The following SETD2 variants were observed in gnomAD, a reference collection of about 807,000 sequenced individuals.
The protein encoded by SETD2 is SET domain containing 2, histone lysine methyltransferase.
Under a neutral mutation model 242.1 loss-of-function variants are expected in SETD2, and 31 were observed. The observed-to-expected ratio is 0.13, with a 90% confidence interval of 0.10 to 0.17. The LOEUF (loss-of-function observed/expected upper bound fraction) is 0.17, where lower values mean the gene tolerates loss of function less well. Ranked by LOEUF, SETD2 falls within the 10% of genes least tolerant of loss-of-function variation. The pLI, the probability that SETD2 is intolerant of heterozygous loss-of-function variation, is 1.00. For synonymous variants in SETD2, 1,006 were observed against 1,066.5 expected (o/e 0.94, Z 1.11); for missense variants, 2,481 against 3,046.3 (o/e 0.81, Z 4.37).
intron 17 of SETD2, among the ~76,000 whole-genome samples, chr3:47,040,075 C>T (rs1179986503): frequency 3.3e-5 from 5 of 151,166 alleles, no homozygotes. Context: ...CTCCAGGGTT[C>T]AAGTAATTCT....
chr3:47,144,076 T>G (rs376218976), intron 1 of SETD2, among the ~76,000 whole-genome samples: 7 of 152,186 alleles, frequency 4.6e-5, no homozygotes, highest in Admixed American at 1.3e-4. Context: ...TCTAGCCACT[T>G]AATCAGAGAC....
In SETD2 at chr3:47,121,651, G is replaced by C. The variant is rs1435057121; in HGVS notation, c.2985C>G (p.Asp995Glu). The change falls in exon 3 of 21, where the codon GAC becomes GAG. Residue 995 changes from aspartate (D) to glutamate (E), a missense_variant. Asp to Glu is a conservative substitution (Grantham distance 45, BLOSUM62 2). Transcript: ENST00000409792. ...CACAAGAAGAAAATACAACTTCTGA[G>C]TCATCAGAAGTATGCACATGTCCTC... ...GEGGHVHTSD[D>E]SEVVFSSCDL... 2 of 1,613,260 alleles carry C rather than the reference G, an allele frequency of 1.2e-6. No individual in the cohort carries two copies. Among genetic ancestry groups the C allele is most frequent in the Admixed American group, 1.7e-5 (1 of 59,994 alleles).
At chr3:47,028,146 C>T (rs1299256803) in intron 18 of SETD2, among the ~76,000 whole-genome samples, 1 of 152,134 alleles carries the variant, frequency 6.6e-6, no homozygotes, top group East Asian at 1.9e-4. Context: ...ATGAAAAAGG[C>T]AGTTTGCACA....
At chr3:47,116,779 C>T (rs2107729278) in intron 3 of SETD2, 25 bp from the exon 4 acceptor site, 1 of 1,484,108 alleles carries the variant, frequency 6.7e-7, no homozygotes, top group Non-Finnish European at 9.3e-7. Flanking sequence ...TTCATAAAAA[C>T]TGATTAAATA....
At chr3:47,081,427 A>C (rs2041313743) in intron 12 of SETD2, among the ~76,000 whole-genome samples, 1 of 152,232 alleles carries the variant, frequency 6.6e-6, no homozygotes, top group Non-Finnish European at 1.5e-5. Flanking sequence ...CAACTAACAC[A>C]GTGTTTGACA....
At chr3:47,058,776 TG>T (rs2040196578) in intron 14 of SETD2, among the ~76,000 whole-genome samples, 1 of 151,594 alleles carries the variant, frequency 6.6e-6, no homozygotes. Flanking sequence ...TGGAAGGGAC[TG>T]ACTACAAAGG....
rs2106666919 is a variant in SETD2 at position 47,122,019 on chromosome 3, G to A, written c.2617C>T (p.Pro873Ser). The part of the protein sequence containing the change: ...SVNHFDDLYQ[P>S]IGSSGIASSL... ...GAAGCAATACCTGAACTCCCAATAG[G>A]TTGATATAAATCATCAAAATGATTA... Residue 873 changes from proline (P) to serine (S), a missense_variant, in exon 3 of 21, where the codon CCT becomes TCT. Pro to Ser is a moderately conservative substitution (Grantham distance 74, BLOSUM62 -1). This residue lies in a region of SETD2 where 1,300 missense variants were observed against 1,259.2 expected (regional missense o/e 1.03). Coordinates refer to ENST00000409792, the MANE Select transcript of SETD2 (RefSeq NM_014159.7). The A allele has an allele frequency of 1.9e-6, 3 of 1,613,814 alleles. No homozygotes were observed. The highest frequency in any genetic ancestry group is 2.5e-6 in the Non-Finnish European group (3 of 1,179,910).
chr3:47,114,638 G>A (rs1398508345), intron 4 of SETD2, among the ~76,000 whole-genome samples: 2 of 152,106 alleles, frequency 1.3e-5, no homozygotes, highest in African/African-American at 4.8e-5. Flanking sequence ...CAGCACTTTG[G>A]GAGGCCAAGG....
At chr3:47,041,269 G>C in intron 17 of SETD2, 1 of 337,450 alleles carries the variant, frequency 3.0e-6, no homozygotes. Flanking sequence ...GCATGGTTGT[G>C]CTCCAATAAA....
intron 15 of SETD2, among the ~76,000 whole-genome samples, chr3:47,055,375 G>C (rs879918450): frequency 3.9e-5 from 6 of 152,186 alleles, no homozygotes; most frequent in African/African-American, 1.4e-4. Flanking sequence ...GAAATGTGGT[G>C]ATGATAATGC....
At position 47,122,016 on chromosome 3, in the gene SETD2, T is replaced by A. The variant is rs1191265072; in HGVS notation, c.2620A>T (p.Ile874Phe). The A allele has an allele frequency of 6.2e-7, 1 of 1,613,836 alleles. No individual in the cohort carries two copies. Among genetic ancestry groups the A allele is most frequent in the Non-Finnish European group, 8.5e-7 (1 of 1,179,912 alleles). ...VNHFDDLYQP[I>F]GSSGIASSLQ... The stretch of plus-strand genomic sequence containing the variant: ...GATGAAGCAATACCTGAACTCCCAA[T>A]AGGTTGATATAAATCATCAAAATGA... The change falls in exon 3 of 21, where the codon ATT becomes TTT. Residue 874 changes from isoleucine (I) to phenylalanine (F), a missense_variant. Transcript: ENST00000409792.
At chr3:47,091,803 G>C (rs2041816559) in intron 9 of SETD2, among the ~76,000 whole-genome samples, 1 of 151,936 alleles carries the variant, frequency 6.6e-6, no homozygotes, top group Middle Eastern at 3.4e-3. Flanking sequence ...AAATTAGCCA[G>C]GTGTGGTGAT....
chr3:47,164,031 G>C lies in SETD2; in HGVS notation c.-107C>G. The C allele has an allele frequency of 1.6e-6, 2 of 1,227,870 alleles. No individual in the cohort carries two copies. Among genetic ancestry groups the C allele is most frequent in the Non-Finnish European group, 2.0e-6 (2 of 980,776 alleles). The allele number at this position is 1,227,870 out of a possible 1,614,324, so 76.1% of individuals were successfully genotyped here. A position where few individuals can be genotyped will look rare whatever the true frequency, so the allele number is the denominator to read the frequency against. ...TCCGACCGCGGCGGCGGCGGCGGCG[G>C]CGGCGGCGGCGGCAGGGGCGGCCCG... On this transcript the variant is annotated 5_prime_UTR_variant, in exon 1 of 21. Coordinates refer to ENST00000409792, the MANE Select transcript of SETD2 (RefSeq NM_014159.7). The surrounding 1 kb of genome is among the most constrained non-coding windows in gnomAD (Gnocchi z 5.4).
At chr3:47,072,940 C>T (rs1453295939) in intron 12 of SETD2, among the ~76,000 whole-genome samples, 1 of 147,018 alleles carries the variant, frequency 6.8e-6, no homozygotes, top group Admixed American at 6.9e-5. Flanking sequence ...GAGCGAGACT[C>T]CATCTCAAAA....
intron 5 of SETD2, among the ~76,000 whole-genome samples, chr3:47,111,975 T>C (rs2042669636): frequency 6.6e-6 from 1 of 152,224 alleles, no homozygotes; most frequent in Non-Finnish European, 1.5e-5. Context: ...AGAATAGTTA[T>C]GTCTAAGTTA....
Position 47,164,080 on chromosome 3 carries a change from CCTCCCTCCCTCGGACGCCCGCCAGCCG to C in SETD2, c.-183_-157del. ...CGCGTCGCTACCTCGCTCGTCGCTCCCTCCCTCCCTCGGACGCCCGCCAGCCGCTCTCTCCCTCTCACCCTCACACCG... is the reference window on the plus strand; with the variant it reads ...CGCGTCGCTACCTCGCTCGTCGCTCCCTCTCTCCCTCTCACCCTCACACCG... On this transcript the variant is annotated 5_prime_UTR_variant, in exon 1 of 21. Coordinates refer to ENST00000409792, the MANE Select transcript of SETD2 (RefSeq NM_014159.7). This position sits in a 1 kb window ranked among gnomAD's most constrained non-coding sequence, Gnocchi z 5.4. 1 of 1,153,526 alleles carries C rather than the reference CCTCCCTCCCTCGGACGCCCGCCAGCCG, an allele frequency of 8.7e-7. No homozygotes were observed. The highest frequency in any genetic ancestry group is 1.1e-6 in the Non-Finnish European group (1 of 924,146). The allele number at this position is 1,153,526 out of a possible 1,614,324, so 71.5% of individuals were successfully genotyped here. A position where few individuals can be genotyped will look rare whatever the true frequency, so the allele number is the denominator to read the frequency against.
At chr3:47,116,895 G>C in intron 3 of SETD2, 141 bp from the exon 4 acceptor site, 1 of 582,018 alleles carries the variant, frequency 1.7e-6, no homozygotes, top group Non-Finnish European at 2.9e-6. Flanking sequence ...CCAGGCCAGG[G>C]TGCAGTGATG....
At chr3:47,136,290 T>C (rs1187865381) in intron 1 of SETD2, among the ~76,000 whole-genome samples, 1 of 152,154 alleles carries the variant, frequency 6.6e-6, no homozygotes, top group Non-Finnish European at 1.5e-5. Flanking sequence ...CTCCTCCTCA[T>C]TCTCTAGGTT....
chr3:47,032,456 C>T (rs1045372276), intron 18 of SETD2, among the ~76,000 whole-genome samples: 1 of 151,484 alleles, frequency 6.6e-6, no homozygotes, highest in Non-Finnish European at 1.5e-5. Context: ...TGCACTCCAG[C>T]CTGGGAAACA....
Sources: allele counts gnomAD v4.1 joint callset (sites outside exome capture counted in the v4.1 genomes callset), GRCh38; gene constraint gnomAD v4.1.1; regional missense constraint gnomAD v4.1.1; non-coding constraint Gnocchi (gnomAD v3.1); transcripts MANE v1.5; gene names NCBI Gene and HGNC (gene_info 2026-07-23, HGNC 2026-07-21).